The following SYT12 variants were observed in gnomAD, a reference collection of about 807,000 sequenced individuals.
The protein encoded by SYT12 is synaptotagmin 12.
In SYT12, 27 loss-of-function variants were observed where a neutral mutation model predicts 39.5. That is an observed-to-expected ratio of 0.68 (90% CI 0.50 to 0.94). The LOEUF (loss-of-function observed/expected upper bound fraction) is 0.94, where lower values mean the gene tolerates loss of function less well. Among genes scored for constraint, SYT12 ranks in the 40% least tolerant of loss-of-function variants. The probability of loss-of-function intolerance (pLI) is 0.00; values close to 1 mark genes in which losing one functional copy is unlikely to be tolerated. For synonymous variants in SYT12, 233 were observed against 239.7 expected (o/e 0.97, Z 0.26); for missense variants, 536 against 572.6 (o/e 0.94, Z 0.65).
rs1326283181 is a variant in SYT12 at position 67,050,224 on chromosome 11, C to T, written c.*1467C>T. 1 of 152,388 alleles carries T rather than the reference C, an allele frequency of 6.6e-6. No individual in the cohort carries two copies. Among genetic ancestry groups the T allele is most frequent in the African/African-American group, 2.4e-5 (1 of 41,424 alleles). The allele number at this position is 152,388 out of a possible 1,614,324, so 9.4% of individuals were successfully genotyped here. ...TAGGAGGAGAGCAGGCAGAGCTTGT[C>T]ATCCCCAGCCTGGTGTCCCGCAGTC... is the stretch of plus-strand genomic sequence containing the variant. On this transcript the variant is annotated 3_prime_UTR_variant, in exon 8 of 8. Coordinates refer to ENST00000527043, the MANE Select transcript of SYT12 (RefSeq NM_177963.4).
At chr11:67,022,360 G>A (rs1039287818), upstream of SYT12, among the ~76,000 whole-genome samples, 1 of 152,140 alleles carries the variant, frequency 6.6e-6, no homozygotes, top group African/African-American at 2.4e-5. Flanking sequence ...CGTTGGAGAG[G>A]TCTCCCCAGG....
In SYT12 at chr11:67,048,898, C is replaced by T; in HGVS notation, c.*141C>T. 1 of 992,954 alleles carries T rather than the reference C, an allele frequency of 1.0e-6. No homozygotes were observed. The highest frequency in any genetic ancestry group is 1.5e-6 in the Non-Finnish European group (1 of 688,360). The allele number at this position is 992,954 out of a possible 1,614,324, so 61.5% of individuals were successfully genotyped here. On this transcript the variant is annotated 3_prime_UTR_variant, in exon 8 of 8. Transcript: ENST00000527043. The stretch of plus-strand genomic sequence containing the variant: ...GAGTCCTCATGACCCATCCTGGTCT[C>T]TCTGTCCAGATTGCAGCAGAGGAGT...
At chr11:67,028,572 T>G (rs1845000304) in intron 1 of SYT12, 1 of 152,220 alleles carries the variant, frequency 6.6e-6, no homozygotes, top group Non-Finnish European at 1.5e-5. Context: ...AGCCACAGAC[T>G]GGGGAGAACC....
chr11:67,022,339 C>T (rs1265995047), upstream of SYT12, among the ~76,000 whole-genome samples: 1 of 152,220 alleles, frequency 6.6e-6, no homozygotes, highest in African/African-American at 2.4e-5. Context: ...TCTTCCTCCC[C>T]CACCCCAGAC....
chr11:67,018,797 T>G (rs1179220575), upstream of SYT12, among the ~76,000 whole-genome samples: 2 of 151,442 alleles, frequency 1.3e-5, no homozygotes, highest in South Asian at 2.1e-4. Flanking sequence ...CACTCCAGCC[T>G]GGGCGACAGA....
chr11:67,032,923 GAAAA>G (rs1454665102), intron 2 of SYT12: 1 of 150,370 alleles, frequency 6.7e-6, no homozygotes, highest in Non-Finnish European at 1.4e-5. Context: ...AAAAAAAAAA[GAAAA>G]AGAAAGAAAA....
rs572507348 is a variant in SYT12 at position 67,036,800 on chromosome 11, A to T, written c.228+1962A>T. On this transcript the variant is annotated intron_variant, in intron 3 of 7. Transcript: ENST00000527043. ...AAAAAAATACAAAAATTGACCGGGC[A>T]CAGTGGCTCATGCCTGTAATCCCAG... is the stretch of plus-strand genomic sequence containing the variant. 7.2e-5 allele frequency among the ~76,000 whole-genome samples: 11 copies of T among 152,192 alleles called. No homozygotes were observed. The South Asian group carries it at 2.1e-3, about 29-fold the overall frequency.
chr11:67,048,879 TCATG>T lies in SYT12; in HGVS notation c.*123_*126del. Reference sequence around the variant, plus strand: ...ACACTGGGGTCCCCTGGCAGAGTCCTCATGACCCATCCTGGTCTCTCTGTCCAGA... The same window carrying T: ...ACACTGGGGTCCCCTGGCAGAGTCCTACCCATCCTGGTCTCTCTGTCCAGA... On this transcript the variant is annotated 3_prime_UTR_variant, in exon 8 of 8. Transcript: ENST00000527043. The T allele has an allele frequency of 1.8e-6, 2 of 1,138,634 alleles. No homozygotes were observed. The highest frequency in any genetic ancestry group is 2.2e-5 in the Admixed American group (1 of 44,552). 70.5% of individuals were successfully genotyped at this position (1,138,634 alleles called of 1,614,324 possible). A position where few individuals can be genotyped will look rare whatever the true frequency, so the allele number is the denominator to read the frequency against.
In SYT12 at chr11:67,049,093, G is replaced by A; in HGVS notation, c.*336G>A. 1 of 233,574 alleles carries A rather than the reference G, an allele frequency of 4.3e-6. No individual in the cohort carries two copies. Among genetic ancestry groups the A allele is most frequent in the Non-Finnish European group, 8.5e-6 (1 of 118,036 alleles). 14.5% of individuals were successfully genotyped at this position (233,574 alleles called of 1,614,324 possible). ...GGGCCAGGCACTGTGCTAGGCACCAGCAGGGGTAACACGAAGAAGACCCGG... is the reference window on the plus strand; with the variant it reads ...GGGCCAGGCACTGTGCTAGGCACCAACAGGGGTAACACGAAGAAGACCCGG... On this transcript the variant is annotated 3_prime_UTR_variant, in exon 8 of 8. Coordinates refer to ENST00000527043, the MANE Select transcript of SYT12 (RefSeq NM_177963.4).
chr11:67,048,080 C>T (rs944814851), intron 7 of SYT12, among the ~76,000 whole-genome samples: 8 of 150,542 alleles, frequency 5.3e-5, no homozygotes, highest in South Asian at 2.1e-4. Context: ...CGTGAGCCAC[C>T]GTGCCCGGCC....
At chr11:67,015,678 A>C (rs1199210418) in intron 3 of SYT12, among the ~76,000 whole-genome samples, 1 of 152,178 alleles carries the variant, frequency 6.6e-6, no homozygotes, top group Non-Finnish European at 1.5e-5. Context: ...TCATGGCGTC[A>C]AGGAGGTAAT....
At chr11:67,035,481 G>T (rs1371672523) in intron 3 of SYT12, among the ~76,000 whole-genome samples, 1 of 118,356 alleles carries the variant, frequency 8.4e-6, no homozygotes, top group African/African-American at 3.4e-5. Context: ...TTTTTGAGAC[G>T]GAGTCTCGCT....
In SYT12 at chr11:67,034,941, C is replaced by T. The variant is rs544126230; in HGVS notation, c.228+103C>T. 1.6e-3 allele frequency: 1,369 copies of T among 851,964 alleles called. 1 individual carries two copies. The highest frequency in any genetic ancestry group is 4.2e-3 in the Middle Eastern group (18 of 4,314). The allele number at this position is 851,964 out of a possible 1,614,324, so 52.8% of individuals were successfully genotyped here. ...CCTCTCCCTCCGTCACCACCTCCTCCTGGTTAATGTCCTCCTTTGAAAGGG... is the reference window on the plus strand; with the variant it reads ...CCTCTCCCTCCGTCACCACCTCCTCTTGGTTAATGTCCTCCTTTGAAAGGG... On this transcript the variant is annotated intron_variant, in intron 3 of 7. Transcript: ENST00000527043.
chr11:67,039,030 G>A (rs1196650772), intron 3 of SYT12, among the ~76,000 whole-genome samples: 2 of 151,830 alleles, frequency 1.3e-5, no homozygotes, highest in African/African-American at 4.8e-5. Context: ...TTGGCCAGGA[G>A]TGGTGGCTCG....
chr11:67,016,514 A>G (rs140782772), intron 3 of SYT12, among the ~76,000 whole-genome samples: 6 of 152,334 alleles, frequency 3.9e-5, no homozygotes, highest in Non-Finnish European at 8.8e-5. Context: ...CTTCTCGGCC[A>G]GTTTACATGC....
At chr11:67,020,207 G>C (rs1709997525), upstream of SYT12, among the ~76,000 whole-genome samples, 1 of 152,150 alleles carries the variant, frequency 6.6e-6, no homozygotes, top group African/African-American at 2.4e-5. Flanking sequence ...GGAAGCTGTT[G>C]GTGAGAGCAG....
At chr11:67,023,818 C>T (rs951505979) in intron 1 of SYT12, among the ~76,000 whole-genome samples, 1 of 152,252 alleles carries the variant, frequency 6.6e-6, no homozygotes, top group South Asian at 2.1e-4. Context: ...CTTCGCACCC[C>T]CTCCCGACAC....
intron 7 of SYT12, 85 bp downstream of exon 7, chr11:67,045,962 C>T (rs2136233743): frequency 6.4e-7 from 1 of 1,554,868 alleles, no homozygotes; most frequent in Non-Finnish European, 8.8e-7. Context: ...CTTCTCAGGG[C>T]CCCTGCAGGG....
intron 3 of SYT12, among the ~76,000 whole-genome samples, chr11:67,035,830 C>T (rs1262463903): frequency 1.0e-5 from 1 of 95,336 alleles, no homozygotes; most frequent in African/African-American, 5.3e-5. Context: ...TCCTTCCTTC[C>T]TTCCTTCCTT....
Sources: allele counts gnomAD v4.1 joint callset (sites outside exome capture counted in the v4.1 genomes callset), GRCh38; gene constraint gnomAD v4.1.1; transcripts MANE v1.5; gene names NCBI Gene and HGNC (gene_info 2026-07-23, HGNC 2026-07-21).